FLNB: variants seen among roughly 807,000 people sequenced by gnomAD.
FLNB encodes the protein filamin B, also known as filamin-B.
Under a neutral mutation model 250.6 loss-of-function variants are expected in FLNB, and 111 were observed. The ratio of observed to expected loss-of-function variants is 0.44; its 90% CI spans 0.38 to 0.52. The LOEUF (loss-of-function observed/expected upper bound fraction) is 0.52. Among genes scored for constraint, FLNB ranks in the 20% least tolerant of loss-of-function variants. FLNB has a pLI of 0.00. For synonymous variants in FLNB, 1,302 were observed against 1,372.1 expected, an observed-to-expected ratio of 0.95 and a Z score of 1.13; for missense variants, 2,869 against 3,447.8, an observed-to-expected ratio of 0.83 and a Z score of 4.20.
chr3:58,076,328 G>C (rs1027089150), intron 1 of FLNB, among the ~76,000 whole-genome samples: 4 of 151,672 alleles, frequency 2.6e-5, no homozygotes, highest in African/African-American at 9.8e-5. Flanking sequence ...AAACACACAT[G>C]CATGTATACA....
intron 22 of FLNB, 111 bp downstream of exon 22, chr3:58,124,616 G>A (rs2097294565): frequency 8.7e-7 from 1 of 1,143,512 alleles, no homozygotes. Context: ...TCTCAGCAGG[G>A]CCACGTGCAG....
At chr3:58,116,674 C>T (rs2097278504) in intron 18 of FLNB, among the ~76,000 whole-genome samples, 1 of 152,184 alleles carries the variant, frequency 6.6e-6, no homozygotes, top group East Asian at 1.9e-4. Context: ...AGGACCCTCC[C>T]AGAGGTCAAA....
rs1225599525 is a variant in FLNB, at chr3:58,162,743, C to T, written c.7022-411C>T. 6 of 269,470 alleles carry T rather than the reference C, an allele frequency of 2.2e-5. No homozygotes were observed. In the East Asian group the frequency reaches 5.8e-4, roughly 26 times the overall value. 16.7% of individuals were successfully genotyped at this position (269,470 alleles called of 1,614,324 possible). A position where few individuals can be genotyped will look rare whatever the true frequency, so the allele number is the denominator to read the frequency against. Reference sequence around the variant, plus strand: ...CGGAGCCTTAAGTGGTGAGGTCTTCCAATTTCAGAGTGCTGTGTCTTCAAC... The same window carrying T: ...CGGAGCCTTAAGTGGTGAGGTCTTCTAATTTCAGAGTGCTGTGTCTTCAAC... On this transcript the variant is annotated intron_variant, in intron 42 of 45. Coordinates refer to ENST00000295956, the MANE Select transcript of FLNB (RefSeq NM_001457.4).
chr3:58,149,670 T>C (rs2107274653), intron 36 of FLNB, 180 bp from the exon 37 acceptor site: 1 of 680,860 alleles, frequency 1.5e-6, no homozygotes, highest in African/African-American at 1.8e-5. Context: ...ACTATGGGGC[T>C]TCTCAGGACG....
At chr3:58,089,680 A>G (rs2107013048) in intron 4 of FLNB, among the ~76,000 whole-genome samples, 1 of 152,346 alleles carries the variant, frequency 6.6e-6, no homozygotes. Flanking sequence ...AAAGAACCAA[A>G]TGGACATTTT....
intron 1 of FLNB, among the ~76,000 whole-genome samples, chr3:58,065,079 TAG>T (rs961710311): frequency 6.6e-6 from 1 of 152,098 alleles, no homozygotes; most frequent in Non-Finnish European, 1.5e-5. Context: ...CAGGGTGTGG[TAG>T]AGGCCGAGTC....
At chr3:58,089,841 C>T (rs536915641) in intron 4 of FLNB, among the ~76,000 whole-genome samples, 1 of 152,254 alleles carries the variant, frequency 6.6e-6, no homozygotes, top group Non-Finnish European at 1.5e-5. Context: ...GGCTAGAGTA[C>T]AGTGGAGTGA....
At chr3:58,030,472 A>T (rs1392146453) in intron 1 of FLNB, among the ~76,000 whole-genome samples, 1 of 152,056 alleles carries the variant, frequency 6.6e-6, no homozygotes, top group African/African-American at 2.4e-5. Flanking sequence ...TTCCTGTGAG[A>T]ACTCCACTCT....
intron 4 of FLNB, among the ~76,000 whole-genome samples, chr3:58,090,147 ACT>A (rs1491444175): frequency 8.2e-6 from 1 of 121,774 alleles, no homozygotes; most frequent in Admixed American, 9.3e-5. Context: ...TACTTTTAAA[ACT>A]TTTTTTTTTT....
At position 58,085,215 on chromosome 3, in the gene FLNB, A is replaced by T. The variant is rs190574251; in HGVS notation, c.787+3439A>T. 2.0e-3 allele frequency among the ~76,000 whole-genome samples: 310 copies of T among 152,350 alleles called. 2 individuals are homozygous for T. Among genetic ancestry groups the T allele is most frequent in the African/African-American group, 6.9e-3 (287 of 41,580 alleles). ...TACCCAGAAGTGGAATTGGTGGATC[A>T]TATGGTAATTCTATATGCAGCTTAT... On this transcript the variant is annotated intron_variant, in intron 4 of 45. Coordinates refer to ENST00000295956, the MANE Select transcript of FLNB (RefSeq NM_001457.4).
At chr3:58,114,890 T>A (rs934575544) in intron 18 of FLNB, among the ~76,000 whole-genome samples, 2 of 152,170 alleles carry the variant, frequency 1.3e-5, no homozygotes, top group South Asian at 2.1e-4. Context: ...CATTTTTATA[T>A]CAACCTTCTT....
At chr3:58,146,190 C>T in intron 33 of FLNB, 141 bp downstream of exon 33, 1 of 996,036 alleles carries the variant, frequency 1.0e-6, no homozygotes, top group South Asian at 1.4e-5. Flanking sequence ...AAATCTGTTT[C>T]TTCTTTAGAG....
intron 25 of FLNB, 34 bp downstream of exon 25, chr3:58,130,942 A>G: frequency 4.4e-6 from 7 of 1,594,954 alleles, no homozygotes; most frequent in African/African-American, 1.3e-5. Context: ...GCAGACATTC[A>G]TCTGCCCCAG....
chr3:58,073,628 A>G (rs1261105222), intron 1 of FLNB, among the ~76,000 whole-genome samples: 1 of 149,420 alleles, frequency 6.7e-6, no homozygotes, highest in Non-Finnish European at 1.5e-5. Flanking sequence ...ACACTTATTC[A>G]TTGTCTCACA....
At chr3:58,095,724 C>T (rs2097237316) in intron 5 of FLNB, among the ~76,000 whole-genome samples, 1 of 152,182 alleles carries the variant, frequency 6.6e-6, no homozygotes, top group Admixed American at 6.5e-5. Flanking sequence ...GCATAATTTG[C>T]AATTCTAAGT....
At chr3:58,138,659 A>C in intron 29 of FLNB, 130 bp downstream of exon 29, 1 of 1,128,650 alleles carries the variant, frequency 8.9e-7, no homozygotes, top group Non-Finnish European at 1.3e-6. Flanking sequence ...TTAAGCAGTC[A>C]TGACCTTGTA....
At chr3:58,075,374 T>C (rs1038529404) in intron 1 of FLNB, among the ~76,000 whole-genome samples, 1 of 152,178 alleles carries the variant, frequency 6.6e-6, no homozygotes, top group African/African-American at 2.4e-5. Context: ...AGCCAGGAGT[T>C]ATCCCACAGG....
chr3:58,016,786 C>G (rs1163593714), intron 1 of FLNB, among the ~76,000 whole-genome samples: 2 of 152,036 alleles, frequency 1.3e-5, no homozygotes, highest in African/African-American at 4.8e-5. Flanking sequence ...ATTGTAACAC[C>G]TTCCCCCAAC....
At chr3:58,047,138 C>T (rs2097155474) in intron 1 of FLNB, among the ~76,000 whole-genome samples, 1 of 152,166 alleles carries the variant, frequency 6.6e-6, no homozygotes, top group Non-Finnish European at 1.5e-5. Flanking sequence ...GTGGTTGCTG[C>T]TTTTCTTAAA....
Sources: allele counts gnomAD v4.1 joint callset (sites outside exome capture counted in the v4.1 genomes callset), GRCh38; gene constraint gnomAD v4.1.1; transcripts MANE v1.5; gene names NCBI Gene and HGNC (gene_info 2026-07-23, HGNC 2026-07-21).